The following RDX variants were observed in gnomAD, a reference collection of about 807,000 sequenced individuals.
RDX encodes deafness, autosomal recessive 24.
Under a neutral mutation model 83.7 loss-of-function variants are expected in RDX, and 32 were observed. The observed-to-expected ratio is 0.38, with a 90% CI of 0.29 to 0.51. The LOEUF is 0.51. Ranked by LOEUF, RDX falls within the 20% of genes least tolerant of loss-of-function variation. The pLI is 0.87. For missense variants in RDX, 600 were observed against 689.9 expected (o/e 0.87, Z 1.46); for synonymous variants, 229 against 222.7 (o/e 1.03, Z -0.25).
chr11:110,184,606 G>A (rs905231159), intron 15 of RDX, among the ~76,000 whole-genome samples: 1 of 152,162 alleles, frequency 6.6e-6, no homozygotes, highest in African/African-American at 2.4e-5. Flanking sequence ...CCCTGGAGAT[G>A]GGAAAGTCCT....
downstream of RDX, among the ~76,000 whole-genome samples, chr11:110,228,673 G>C (rs1397485330): frequency 6.6e-6 from 1 of 151,630 alleles, no homozygotes; most frequent in Non-Finnish European, 1.5e-5. Flanking sequence ...TCAACACGGT[G>C]ATCAATACTG....
chr11:110,274,178 CATCT>C (rs1160978839), intron 2 of RDX, among the ~76,000 whole-genome samples: 2 of 152,068 alleles, frequency 1.3e-5, no homozygotes, highest in Non-Finnish European at 2.9e-5. Context: ...ATATACAAAA[CATCT>C]ATCATATATA....
At chr11:110,192,133 A>G (rs1042929229) in intron 15 of RDX, among the ~76,000 whole-genome samples, 12 of 152,202 alleles carry the variant, frequency 7.9e-5, no homozygotes, top group African/African-American at 2.7e-4. Context: ...CCAACTTCAA[A>G]CTATACTGTA....
chr11:110,276,808 A>C (rs1860535811), intron 2 of RDX, among the ~76,000 whole-genome samples: 1 of 152,230 alleles, frequency 6.6e-6, no homozygotes, highest in Non-Finnish European at 1.5e-5. Context: ...ACATCCTAAA[A>C]GCACGGAAAC....
chr11:110,209,012 G>C (rs1591512534), intron 14 of RDX, among the ~76,000 whole-genome samples: 1 of 152,116 alleles, frequency 6.6e-6, no homozygotes, highest in African/African-American at 2.4e-5. Context: ...GAACAGCTCC[G>C]GTCTACAGCT....
intron 14 of RDX, among the ~76,000 whole-genome samples, chr11:110,212,526 C>T (rs575060300): frequency 3.9e-5 from 2 of 51,848 alleles, no homozygotes; most frequent in Non-Finnish European, 7.5e-5. Context: ...GGCAGAGACA[C>T]AACCAAAAAA....
At chr11:110,202,326 G>C (rs1863440476) in intron 14 of RDX, among the ~76,000 whole-genome samples, 2 of 151,978 alleles carry the variant, frequency 1.3e-5, no homozygotes, top group South Asian at 4.1e-4. Flanking sequence ...CCTGGAGGCA[G>C]AGGCTGCAGT....
chr11:110,273,183 A>G (rs1464359352), intron 2 of RDX: 6 of 439,292 alleles, frequency 1.4e-5, no homozygotes, highest in Non-Finnish European at 2.3e-5. Flanking sequence ...ACTGAACTTC[A>G]GCCTGCACAA....
At chr11:110,241,199 T>C (rs1865085282) in intron 10 of RDX, among the ~76,000 whole-genome samples, 1 of 152,208 alleles carries the variant, frequency 6.6e-6, no homozygotes. Context: ...TATACGGCAC[T>C]GGATGTTACC....
chr11:110,195,084 G>A (rs1240871969), intron 15 of RDX, among the ~76,000 whole-genome samples: 6 of 151,988 alleles, frequency 3.9e-5, no homozygotes, highest in African/African-American at 9.7e-5. Flanking sequence ...TCCACCTCCC[G>A]GGTTCAAGCG....
intron 15 of RDX, among the ~76,000 whole-genome samples, chr11:110,187,539 C>T (rs1591499087): frequency 6.6e-6 from 1 of 152,348 alleles, no homozygotes; most frequent in East Asian, 1.9e-4. Context: ...CACCCACTCA[C>T]TCTCCTAGAG....
chr11:110,193,504 C>T (rs1310287884), intron 15 of RDX, among the ~76,000 whole-genome samples: 2 of 151,578 alleles, frequency 1.3e-5, no homozygotes, highest in Admixed American at 1.3e-4. Context: ...TACACATGTA[C>T]ACCCTACATC....
intron 15 of RDX, among the ~76,000 whole-genome samples, chr11:110,185,788 G>A (rs1352720899): frequency 6.6e-6 from 1 of 152,326 alleles, no homozygotes; most frequent in South Asian, 2.1e-4. Flanking sequence ...TGGCCTCTGT[G>A]AAACTATGGC....
In RDX at chr11:110,229,740, G is replaced by T. The variant is rs1864551702; in HGVS notation, c.*2129C>A. On this transcript the variant is annotated 3_prime_UTR_variant, in exon 14 of 14. Coordinates refer to ENST00000645495, the MANE Select transcript of RDX (RefSeq NM_002906.4). The stretch of plus-strand genomic sequence containing the variant: ...CCATTTTAATCCTAATCTACAAATA[G>T]ATCATAAACAGCAAAATATAACTGA... The T allele has an allele frequency of 1.3e-5, 2 of 152,362 alleles. No homozygotes were observed. Among genetic ancestry groups the T allele is most frequent in the Admixed American group, 1.3e-4 (2 of 15,270 alleles). The allele number at this position is 152,362 out of a possible 1,614,324, so 9.4% of individuals were successfully genotyped here. A position where few individuals can be genotyped will look rare whatever the true frequency, so the allele number is the denominator to read the frequency against.
intron 3 of RDX, among the ~76,000 whole-genome samples, chr11:110,271,848 C>T (rs1441779219): frequency 6.6e-6 from 1 of 152,078 alleles, no homozygotes; most frequent in African/African-American, 2.4e-5. Flanking sequence ...TTGAGCATCC[C>T]TAATCCAAAA....
chr11:110,193,849 T>C (rs934278420), intron 15 of RDX, among the ~76,000 whole-genome samples: 1 of 152,222 alleles, frequency 6.6e-6, no homozygotes. Context: ...AACCAAACTT[T>C]TGATTATACA....
chr11:110,201,589 T>A (rs1336398208), intron 14 of RDX, among the ~76,000 whole-genome samples: 1 of 152,152 alleles, frequency 6.6e-6, no homozygotes, highest in Non-Finnish European at 1.5e-5. Context: ...GAGGGTGAGA[T>A]ACATAAAAAT....
At chr11:110,265,619 G>A (rs1212278869) in intron 3 of RDX, among the ~76,000 whole-genome samples, 2 of 152,052 alleles carry the variant, frequency 1.3e-5, no homozygotes, top group Non-Finnish European at 2.9e-5. Context: ...AGAAAAGTCT[G>A]ATATATTCCA....
Position 110,233,498 on chromosome 11 carries a change from T to C in RDX, c.1345-19A>G, listed in dbSNP as rs370206561. The C allele has an allele frequency of 1.8e-5, 29 of 1,613,432 alleles. No homozygotes were observed. The highest frequency in any genetic ancestry group is 2.5e-5 in the Non-Finnish European group (29 of 1,179,622). ...CAAAAGCCTGAACATTAAAAATACG[T>C]TTATGAGCAACTTACTTCAAAAATT... On this transcript the variant is annotated intron_variant, in intron 12 of 13. Coordinates refer to ENST00000645495, the MANE Select transcript of RDX (RefSeq NM_002906.4).
Sources: allele counts gnomAD v4.1 joint callset (sites outside exome capture counted in the v4.1 genomes callset), GRCh38; gene constraint gnomAD v4.1.1; transcripts MANE v1.5; gene names NCBI Gene and HGNC (gene_info 2026-07-23, HGNC 2026-07-21).